Variants in RGS5 observed in about 807,000 individuals in gnomAD.
RGS5 encodes the protein regulator of G-protein signalling 5.
In RGS5, 20 loss-of-function variants were observed where a neutral mutation model predicts 18.9. The observed-to-expected ratio is 1.06, with a 90% confidence interval of 0.74 to 1.54. RGS5 has a LOEUF of 1.54. Among genes scored for constraint, RGS5 ranks in the 40% most tolerant of loss-of-function variants. RGS5 has a pLI of 0.00. For missense variants in RGS5, 201 were observed against 211.8 expected, an observed-to-expected ratio of 0.95 and a Z score of 0.32; for synonymous variants, 57 against 76.2, an observed-to-expected ratio of 0.75 and a Z score of 1.31.
chr1:163,306,351 G>A (rs550894659), intron 1 of RGS5: 3 of 152,218 alleles, frequency 2.0e-5, no homozygotes, highest in East Asian at 1.9e-4. Flanking sequence ...AAAATGAATC[G>A]CATGTACTCA....
chr1:163,147,234 G>T lies in RGS5; in HGVS notation c.*108C>A. On this transcript the variant is annotated 3_prime_UTR_variant, in exon 5 of 5. Transcript: ENST00000313961. ...CATCCCCTGGGATTTTTCCCATGTG[G>T]GTATCACTGAGCAAAGCTGCTGTGG... 8.4e-7 allele frequency: 1 copy of T among 1,191,182 alleles called. No individual in the cohort carries two copies. Among genetic ancestry groups the T allele is most frequent in the South Asian group, 1.8e-5 (1 of 55,578 alleles). The allele number at this position is 1,191,182 out of a possible 1,614,324, so 73.8% of individuals were successfully genotyped here. A position where few individuals can be genotyped will look rare whatever the true frequency, so the allele number is the denominator to read the frequency against.
At chr1:163,212,934 A>G (rs899385491) in intron 1 of RGS5, 1 of 152,124 alleles carries the variant, frequency 6.6e-6, no homozygotes, top group Admixed American at 6.6e-5. Context: ...GTCTTTATGA[A>G]TTAGCTTATG....
intron 2 of RGS5, among the ~76,000 whole-genome samples, chr1:163,276,461 C>T (rs144464709): frequency 3.3e-5 from 5 of 152,200 alleles, no homozygotes; most frequent in Admixed American, 6.5e-5. Context: ...TTTTTCATAA[C>T]GATGCTTACG....
intron 2 of RGS5, among the ~76,000 whole-genome samples, chr1:163,259,143 A>G (rs1648355576): frequency 6.7e-6 from 1 of 149,684 alleles, no homozygotes; most frequent in Admixed American, 6.8e-5. Context: ...AAGATAAAAT[A>G]AGACACAGTC....
intron 2 of RGS5, among the ~76,000 whole-genome samples, chr1:163,269,250 C>G (rs1370402793): frequency 6.6e-6 from 1 of 152,098 alleles, no homozygotes; most frequent in Non-Finnish European, 1.5e-5. Flanking sequence ...TGGGCTGGAA[C>G]TAGAGAAGGG....
At chr1:163,309,581 C>G (rs1649798934) in intron 1 of RGS5, among the ~76,000 whole-genome samples, 2 of 152,056 alleles carry the variant, frequency 1.3e-5, no homozygotes, top group Non-Finnish European at 2.9e-5. Context: ...GTCACATCTT[C>G]AGGTGCCACT....
rs570051503 is a variant in RGS5 at position 163,239,503 on chromosome 1, A to G, written c.-281+66730T>C. Among the ~76,000 whole-genome samples the G allele has an allele frequency of 2.7e-5, 4 of 147,536 alleles. No individual in the cohort carries two copies. In the South Asian group the frequency reaches 6.5e-4, roughly 24 times the overall value. ...TCCGTCTCTTAAAAAAAAAAAAAAA[A>G]GGGTTACCAAATGGAAAAAGATTCA... is the stretch of plus-strand genomic sequence containing the variant. On this transcript the variant is annotated intron_variant, in intron 2 of 5. Coordinates refer to the RGS5 transcript ENST00000618415.
chr1:163,170,141 G>T (rs1202587771), intron 1 of RGS5, among the ~76,000 whole-genome samples: 5 of 152,132 alleles, frequency 3.3e-5, no homozygotes, highest in African/African-American at 7.2e-5. Context: ...GACCCAAAAA[G>T]CTACCCTTTC....
chr1:163,147,685 G>A (rs1657194936), intron 4 of RGS5, among the ~76,000 whole-genome samples, 182 bp from the exon 5 acceptor site: 1 of 152,132 alleles, frequency 6.6e-6, no homozygotes, highest in African/African-American at 2.4e-5. Context: ...TCCAACAGAT[G>A]CATCCAACCG....
At position 163,256,543 on chromosome 1, in the gene RGS5, G is replaced by C. The variant is rs150198657; in HGVS notation, c.-281+49690C>G. Among the ~76,000 whole-genome samples the C allele has an allele frequency of 6.0e-3, 914 of 152,290 alleles. 17 individuals are homozygous for C. The highest frequency in any genetic ancestry group is 0.021 in the African/African-American group (889 of 41,568). On this transcript the variant is annotated intron_variant, in intron 2 of 5. Transcript: ENST00000618415. ...GATACGCATTCATCCAGTAAGAAGA[G>C]TATCATTAAAACTGGGTTATAATTA...
intron 1 of RGS5, among the ~76,000 whole-genome samples, chr1:163,175,277 G>A (rs968722907): frequency 6.6e-6 from 1 of 152,142 alleles, no homozygotes; most frequent in Non-Finnish European, 1.5e-5. Context: ...GTAGAACCCA[G>A]CAGAGACTGA....
At chr1:163,178,217 A>G (rs1658649853) in intron 1 of RGS5, among the ~76,000 whole-genome samples, 1 of 152,198 alleles carries the variant, frequency 6.6e-6, no homozygotes, top group Admixed American at 6.5e-5. Context: ...AAGCTGAGGC[A>G]CAAGAATAGC....
At chr1:163,270,393 A>G (rs898967595) in intron 2 of RGS5, among the ~76,000 whole-genome samples, 2 of 150,128 alleles carry the variant, frequency 1.3e-5, no homozygotes, top group Non-Finnish European at 3.0e-5. Context: ...GTTGGTGCAC[A>G]TCTATAATCC....
At chr1:163,265,314 C>G (rs1458428758) in intron 2 of RGS5, among the ~76,000 whole-genome samples, 1 of 152,072 alleles carries the variant, frequency 6.6e-6, no homozygotes, top group East Asian at 1.9e-4. Context: ...TTAACATTTA[C>G]TTAAATATAT....
intron 2 of RGS5, among the ~76,000 whole-genome samples, chr1:163,287,396 C>G (rs1649172532): frequency 6.6e-6 from 1 of 152,212 alleles, no homozygotes; most frequent in Admixed American, 6.5e-5. Flanking sequence ...CCTTCATACA[C>G]TCACATTCCT....
chr1:163,164,450 A>G (rs1657955533), intron 2 of RGS5, among the ~76,000 whole-genome samples: 1 of 152,154 alleles, frequency 6.6e-6, no homozygotes, highest in Non-Finnish European at 1.5e-5. Context: ...GGAAGTGGCC[A>G]TCTCTGCTGG....
At chr1:163,158,941 C>T (rs563516385) in intron 3 of RGS5, among the ~76,000 whole-genome samples, 31 of 152,218 alleles carry the variant, frequency 2.0e-4, no homozygotes, top group East Asian at 1.5e-3. Flanking sequence ...GTTCCCAAAG[C>T]GGCCATTTCA....
chr1:163,180,141 T>C (rs1320201256), intron 1 of RGS5, among the ~76,000 whole-genome samples: 2 of 152,114 alleles, frequency 1.3e-5, no homozygotes, highest in Non-Finnish European at 2.9e-5. Flanking sequence ...TTCTAACTTT[T>C]GTATTAATAT....
intron 1 of RGS5, chr1:163,172,663 C>G: frequency 6.6e-7 from 1 of 1,523,796 alleles, no homozygotes; most frequent in Middle Eastern, 1.7e-4. Context: ...CAGTTTCTGG[C>G]TTGGTATAGG....
Sources: gnomAD v4.1 joint callset for allele counts (sites outside exome capture counted in the v4.1 genomes callset) on GRCh38, gnomAD v4.1.1 for gene constraint, MANE v1.5 for transcripts, NCBI Gene and HGNC (gene_info 2026-07-23, HGNC 2026-07-21) for gene names.